Variants in ZNF800 observed in about 807,000 individuals in gnomAD.
ZNF800 encodes the protein zinc finger protein 800.
Under a neutral mutation model 59.5 loss-of-function variants are expected in ZNF800, and 13 were observed. The ratio of observed to expected loss-of-function variants is 0.22; its 90% confidence interval spans 0.14 to 0.35. ZNF800 has a LOEUF of 0.35. ZNF800 is among the 10% of genes least tolerant of loss of function. The pLI, the probability that ZNF800 is intolerant of heterozygous loss-of-function variation, is 1.00. For synonymous variants in ZNF800, 266 were observed against 265.7 expected (o/e 1.00, Z -0.01); for missense variants, 621 against 783.7 (o/e 0.79, Z 2.48).
chr7:127,353,042 C>T (rs6958695), intron 1 of ZNF800, among the ~76,000 whole-genome samples: 1 of 151,978 alleles, frequency 6.6e-6, no homozygotes, highest in Non-Finnish European at 1.5e-5. Flanking sequence ...GTGGTTTTTT[C>T]CCCCCAATGG....
downstream of ZNF800, among the ~76,000 whole-genome samples, chr7:127,369,144 G>C (rs1383717364): frequency 6.6e-6 from 1 of 151,990 alleles, no homozygotes; most frequent in African/African-American, 2.4e-5. Context: ...AACTTATAAA[G>C]TTGAAGAGCA....
intron 2 of ZNF800, 67 bp downstream of exon 2, chr7:127,391,418 GGAAAAAAAGCTA>G (rs1329422425): frequency 9.3e-6 from 13 of 1,392,666 alleles, no homozygotes; most frequent in Non-Finnish European, 1.3e-5. Context: ...TGGGGCAGGA[GGAAAAAAAGCTA>G]GAAAAAAAGA....
chr7:127,359,266 C>T (rs760767021), intron 1 of ZNF800, among the ~76,000 whole-genome samples: 17 of 152,178 alleles, frequency 1.1e-4, no homozygotes, highest in Non-Finnish European at 2.2e-4. Context: ...AAATCAACTA[C>T]AGTCACGTCA....
intron 1 of ZNF800, chr7:127,363,879 G>A (rs189847248): frequency 1.3e-5 from 2 of 152,206 alleles, no homozygotes; most frequent in Admixed American, 6.6e-5. Flanking sequence ...AAAGGACAAG[G>A]GGTTTTTGGC....
chr7:127,381,838 G>A (rs1012676724), intron 3 of ZNF800, among the ~76,000 whole-genome samples: 5 of 151,506 alleles, frequency 3.3e-5, no homozygotes, highest in Admixed American at 2.6e-4. Flanking sequence ...GAAAAATCAC[G>A]TCCACCCTAC....
At chr7:127,347,468 G>A (rs1028378404) in exon 2 of ZNF800, 1 of 152,120 alleles carries the variant, frequency 6.6e-6, no homozygotes, top group Non-Finnish European at 1.5e-5. Flanking sequence ...AGTCTTTGAA[G>A]AACTAATCAT....
rs557509827 is a variant in ZNF800, at chr7:127,370,849, C to T, written c.*965G>A. ...TTTTACAGTAGGAATCAAATATTAT[C>T]TAAAGTGGTCCTTTAAGATTTTTCT... is the stretch of plus-strand genomic sequence containing the variant. On this transcript the variant is annotated 3_prime_UTR_variant, in exon 6 of 6. Coordinates refer to ENST00000265827, the MANE Select transcript of ZNF800 (RefSeq NM_176814.5). 3.1e-4 allele frequency: 48 copies of T among 152,518 alleles called. No individual in the cohort carries two copies. The highest frequency in any genetic ancestry group is 1.0e-3 in the African/African-American group (42 of 41,504). 9.4% of individuals were successfully genotyped at this position (152,518 alleles called of 1,614,324 possible).
At position 127,392,198 on chromosome 7, in the gene ZNF800, C is replaced by G. The variant is rs919880195; in HGVS notation, c.-197G>C. On this transcript the variant is annotated 5_prime_UTR_variant, in exon 1 of 6. Transcript: ENST00000265827. ...CTGACCACGCGGGGGAACCCGGACTCGGGCCCGACGCGCTCCCAAAGAGTC... is the reference window on the plus strand; with the variant it reads ...CTGACCACGCGGGGGAACCCGGACTGGGGCCCGACGCGCTCCCAAAGAGTC... 1.8e-5 allele frequency: 7 copies of G among 394,568 alleles called. No homozygotes were observed. The highest frequency in any genetic ancestry group is 1.0e-4 in the African/African-American group (5 of 48,404). 24.4% of individuals were successfully genotyped at this position (394,568 alleles called of 1,614,324 possible). A position where few individuals can be genotyped will look rare whatever the true frequency, so the allele number is the denominator to read the frequency against.
intron 1 of ZNF800, chr7:127,362,152 T>G (rs934831052): frequency 3.3e-5 from 5 of 152,146 alleles, no homozygotes; most frequent in Non-Finnish European, 7.4e-5. Context: ...AAAAAGCTTT[T>G]TGTGGAAAAT....
chr7:127,368,131 A>C (rs1800551732), downstream of ZNF800, among the ~76,000 whole-genome samples: 2 of 152,176 alleles, frequency 1.3e-5, no homozygotes, highest in Non-Finnish European at 2.9e-5. Context: ...AACTAGAAGA[A>C]GAAAAGGCAA....
At chr7:127,368,163 G>C (rs1220888455), downstream of ZNF800, among the ~76,000 whole-genome samples, 1 of 152,072 alleles carries the variant, frequency 6.6e-6, no homozygotes, top group Non-Finnish European at 1.5e-5. Flanking sequence ...GAAGCTCAGA[G>C]GAATAGGGTA....
At chr7:127,357,166 A>G (rs1462524936) in intron 1 of ZNF800, among the ~76,000 whole-genome samples, 1 of 151,966 alleles carries the variant, frequency 6.6e-6, no homozygotes, top group Non-Finnish European at 1.5e-5. Flanking sequence ...TTTTAAGGAG[A>G]CACAAATTTC....
chr7:127,350,292 T>C (rs989223745), intron 1 of ZNF800: 7 of 152,238 alleles, frequency 4.6e-5, no homozygotes, highest in African/African-American at 1.7e-4. Flanking sequence ...TAAGCAATAT[T>C]TGTAAAGGAT....
At chr7:127,376,892 A>G (rs1800801968) in intron 4 of ZNF800, among the ~76,000 whole-genome samples, 1 of 151,978 alleles carries the variant, frequency 6.6e-6, no homozygotes, top group South Asian at 2.1e-4. Flanking sequence ...TAAACATTCT[A>G]AAACAATATC....
intron 3 of ZNF800, among the ~76,000 whole-genome samples, chr7:127,380,562 A>G (rs1800946591): frequency 6.6e-6 from 1 of 152,190 alleles, no homozygotes; most frequent in Non-Finnish European, 1.5e-5. Context: ...TGGAGACAGA[A>G]TGGCTTTCTT....
intron 2 of ZNF800, 90 bp downstream of exon 2, chr7:127,391,407 C>T: frequency 4.0e-6 from 5 of 1,262,792 alleles, no homozygotes; most frequent in Non-Finnish European, 5.8e-6. Flanking sequence ...AGAATGACTA[C>T]TGGGGCAGGA....
Position 127,374,891 on chromosome 7 carries a change from T to A in ZNF800, c.445A>T (p.Arg149Trp), listed in dbSNP as rs1285916791. 6.2e-7 allele frequency: 1 copy of A among 1,614,004 alleles called. No individual in the cohort carries two copies. The highest frequency in any genetic ancestry group is 8.5e-7 in the Non-Finnish European group (1 of 1,179,916). The change falls in exon 5 of 6, where the codon AGG (arginine) becomes TGG (tryptophan). Residue 149 changes from arginine (R) to tryptophan (W), a missense_variant. Arg to Trp is a moderately radical substitution (Grantham distance 101). This residue lies in a region of ZNF800 where 218 missense variants were observed against 230.8 expected (regional missense o/e 0.94). Transcript: ENST00000265827. ...GTGACTTCAATAGGATTATCAGTCC[T>A]CGAAATATATTGAAATACTGCATTT... ...NQNAVFQYISRTDNPIEVTES... is the reference protein window; with the variant it reads ...NQNAVFQYISWTDNPIEVTES...
rs78778607 is a variant in ZNF800, at chr7:127,385,078, G to A, written c.157+982C>T. Among the ~76,000 whole-genome samples, 351 of 152,238 alleles carry A rather than the reference G, an allele frequency of 2.3e-3. 5 individuals are homozygous for A. Among genetic ancestry groups the A allele is most frequent in the Admixed American group, 0.017 (257 of 15,308 alleles). ...AGATTCTATTTCTTAGAATCCTAAAGTAAAGCAAATATATGATTTCCCCGT... is the reference window on the plus strand; with the variant it reads ...AGATTCTATTTCTTAGAATCCTAAAATAAAGCAAATATATGATTTCCCCGT... On this transcript the variant is annotated intron_variant, in intron 3 of 5. Transcript: ENST00000265827.
rs1425838130 is a variant in ZNF800, at chr7:127,392,401, G to GC, written c.-401dup. ...AGCTGCCGCCGCCACCACCGAAGGA[G>GC]CCGGAACCGGAGCGGGCAGGACCTG... On this transcript the variant is annotated 5_prime_UTR_variant, in exon 1 of 6. Transcript: ENST00000265827. 5.3e-6 allele frequency: 2 copies of GC among 379,328 alleles called. No individual in the cohort carries two copies. The highest frequency in any genetic ancestry group is 9.3e-6 in the Non-Finnish European group (2 of 214,088). 23.5% of individuals were successfully genotyped at this position (379,328 alleles called of 1,614,324 possible).
Sources: gnomAD v4.1 joint callset for allele counts (sites outside exome capture counted in the v4.1 genomes callset) on GRCh38, gnomAD v4.1.1 for gene constraint, gnomAD v4.1.1 regional missense constraint, MANE v1.5 for transcripts, NCBI Gene and HGNC (gene_info 2026-07-23, HGNC 2026-07-21) for gene names.